The following DAB1 variants were observed in gnomAD, a reference collection of about 807,000 sequenced individuals.
The protein encoded by DAB1 is disabled homolog 1.
Under a neutral mutation model 64.6 loss-of-function variants are expected in DAB1, and 15 were observed. That is an observed-to-expected ratio of 0.23 (90% CI 0.16 to 0.36). The LOEUF (loss-of-function observed/expected upper bound fraction) is 0.36. Ranked by LOEUF, DAB1 falls within the 10% of genes least tolerant of loss-of-function variation. DAB1 has a pLI of 1.00. For synonymous variants in DAB1, 235 were observed against 251.9 expected (o/e 0.93, Z 0.64); for missense variants, 596 against 706.7 (o/e 0.84, Z 1.78).
At chr1:58,047,978 A>G in intron 5 of DAB1, 1 of 536,236 alleles carries the variant, frequency 1.9e-6, no homozygotes, top group Non-Finnish European at 3.3e-6. Flanking sequence ...AACTAAAATA[A>G]CCTGTTATAC....
intron 7 of DAB1, among the ~76,000 whole-genome samples, chr1:57,550,533 T>A (rs1278315285): frequency 6.8e-6 from 1 of 146,712 alleles, no homozygotes; most frequent in Non-Finnish European, 1.5e-5. Context: ...CTCTAACTAA[T>A]CAATAACAGG....
intron 2 of DAB1, among the ~76,000 whole-genome samples, chr1:57,154,004 C>A (rs1392845617): frequency 1.3e-5 from 2 of 152,276 alleles, no homozygotes; most frequent in East Asian, 3.9e-4. Flanking sequence ...CTAATCACAT[C>A]ATGGAGAATG....
chr1:57,746,323 T>C (rs1390164715), intron 6 of DAB1, among the ~76,000 whole-genome samples: 1 of 152,004 alleles, frequency 6.6e-6, no homozygotes, highest in African/African-American at 2.4e-5. Flanking sequence ...TATTTCTTCA[T>C]TTTTTTTCTG....
chr1:57,412,595 A>T (rs1481027164), intron 1 of DAB1, among the ~76,000 whole-genome samples: 1 of 152,236 alleles, frequency 6.6e-6, no homozygotes, highest in Admixed American at 6.5e-5. Context: ...GTGGATATGG[A>T]AAGAATTTTA....
chr1:58,256,295 C>G (rs977180532), intron 4 of DAB1, among the ~76,000 whole-genome samples: 1 of 152,206 alleles, frequency 6.6e-6, no homozygotes, highest in African/African-American at 2.4e-5. Context: ...CATGGCAGCT[C>G]TGTGAGTACC....
In DAB1 at chr1:57,439,423, TTC is replaced by T. The variant is rs1491528240; in HGVS notation, n.626-148259_626-148258del. On this transcript the variant is annotated intron_variant and non_coding_transcript_variant, in intron 7 of 20. Transcript: ENST00000485760. ...GCCATCAACTTGGTGATGAGGTTTT[TTC>T]TTTTTTTTTTTTTTTTTTTTTTGAG... Among the ~76,000 whole-genome samples, 160 of 117,152 alleles carry T rather than the reference TTC, an allele frequency of 1.4e-3. 17 individuals are homozygous for T. Among genetic ancestry groups the T allele is most frequent in the African/African-American group, 5.4e-3 (132 of 24,604 alleles). The allele number at this position is 117,152 out of a possible 152,430, so 76.9% of individuals were successfully genotyped here.
At chr1:58,473,361 T>C (rs987095892) in intron 3 of DAB1, among the ~76,000 whole-genome samples, 1 of 151,690 alleles carries the variant, frequency 6.6e-6, no homozygotes, top group Admixed American at 6.6e-5. Flanking sequence ...GCTAACAAGG[T>C]GAAACCCCGT....
intron 3 of DAB1, among the ~76,000 whole-genome samples, chr1:57,144,443 C>T (rs1311905112): frequency 2.6e-5 from 4 of 151,974 alleles, no homozygotes; most frequent in Non-Finnish European, 5.9e-5. Flanking sequence ...CGCCTGTAAT[C>T]CCAGCACTTT....
At chr1:57,089,810 A>T (rs1653474899) in intron 4 of DAB1, among the ~76,000 whole-genome samples, 1 of 152,200 alleles carries the variant, frequency 6.6e-6, no homozygotes, top group African/African-American at 2.4e-5. Flanking sequence ...TCTCTGCTCT[A>T]TTTCTACAGG....
At chr1:57,384,321 G>T (rs893724586) in intron 1 of DAB1, among the ~76,000 whole-genome samples, 2 of 152,152 alleles carry the variant, frequency 1.3e-5, no homozygotes, top group Non-Finnish European at 2.9e-5. Context: ...AAAGTTAAAT[G>T]GTGCAGCCAC....
At chr1:57,634,076 C>A (rs1646023269) in intron 7 of DAB1, among the ~76,000 whole-genome samples, 1 of 152,160 alleles carries the variant, frequency 6.6e-6, no homozygotes, top group Non-Finnish European at 1.5e-5. Flanking sequence ...GGCAGGGAAA[C>A]TGAAAGTAAG....
At chr1:57,703,342 G>GA (rs1165472117) in intron 6 of DAB1, among the ~76,000 whole-genome samples, 2 of 151,652 alleles carry the variant, frequency 1.3e-5, no homozygotes, top group African/African-American at 2.4e-5. Context: ...AAATTTACAA[G>GA]AAAAAAAAGA....
intron 7 of DAB1, among the ~76,000 whole-genome samples, chr1:57,450,678 T>A (rs1349900652): frequency 6.6e-6 from 1 of 152,222 alleles, no homozygotes; most frequent in African/African-American, 2.4e-5. Context: ...ATAAAACATG[T>A]GCAGTCTGGG....
At chr1:57,196,054 G>C (rs927695653) in intron 2 of DAB1, among the ~76,000 whole-genome samples, 28 of 152,158 alleles carry the variant, frequency 1.8e-4, no homozygotes, top group African/African-American at 5.6e-4. Flanking sequence ...TAGGAGGAAG[G>C]GGTGGGAGAG....
intron 1 of DAB1, among the ~76,000 whole-genome samples, chr1:57,413,961 A>G (rs1684308851): frequency 6.6e-6 from 1 of 152,134 alleles, no homozygotes; most frequent in South Asian, 2.1e-4. Flanking sequence ...CTGAAAATGA[A>G]ACTGAATTGC....
chr1:57,606,705 T>C (rs1208827742), intron 7 of DAB1, among the ~76,000 whole-genome samples: 3 of 132,150 alleles, frequency 2.3e-5, no homozygotes, highest in African/African-American at 8.7e-5. Flanking sequence ...ATATATGAAA[T>C]ATATATGTAT....
At chr1:57,910,673 T>C (rs1644629653) in intron 5 of DAB1, among the ~76,000 whole-genome samples, 1 of 152,238 alleles carries the variant, frequency 6.6e-6, no homozygotes, top group African/African-American at 2.4e-5. Flanking sequence ...GGTCAGCTCA[T>C]TTCCAAGCTA....
chr1:58,052,366 A>G (rs959180473), intron 5 of DAB1, among the ~76,000 whole-genome samples: 3 of 152,092 alleles, frequency 2.0e-5, no homozygotes, highest in Admixed American at 2.0e-4. Context: ...GATGTGTGGC[A>G]TTACTTCTGA....
chr1:57,399,746 C>T (rs1683091472), intron 1 of DAB1, among the ~76,000 whole-genome samples: 1 of 152,186 alleles, frequency 6.6e-6, no homozygotes, highest in East Asian at 1.9e-4. Flanking sequence ...ACAGCTTGGA[C>T]TGACTTTATT....
Sources: gnomAD v4.1 joint callset for allele counts (sites outside exome capture counted in the v4.1 genomes callset) on GRCh38, gnomAD v4.1.1 for gene constraint, MANE v1.5 for transcripts, NCBI Gene and HGNC (gene_info 2026-07-23, HGNC 2026-07-21) for gene names.